ECT2: variants seen among roughly 807,000 people sequenced by gnomAD.
The protein encoded by ECT2 is protein ECT2.
In ECT2, 61 loss-of-function variants were observed where a neutral mutation model predicts 116.9. The observed-to-expected ratio is 0.52, with a 90% CI of 0.42 to 0.65. ECT2 has a LOEUF of 0.65. Ranked by LOEUF, ECT2 falls within the 30% of genes least tolerant of loss-of-function variation. The probability of loss-of-function intolerance (pLI) is 0.00; values close to 1 mark genes in which losing one functional copy is unlikely to be tolerated. For missense variants in ECT2, 937 were observed against 1,078.7 expected (o/e 0.87, Z 1.84); for synonymous variants, 358 against 346.4 (o/e 1.03, Z -0.37).
downstream of ECT2, among the ~76,000 whole-genome samples, chr3:172,825,340 ATAAT>A (rs991405742): frequency 4.6e-5 from 7 of 152,066 alleles, no homozygotes; most frequent in Non-Finnish European, 7.3e-5. Context: ...AGACTAATTA[ATAAT>A]TAATCCTACA....
intron 1 of ECT2, 148 bp from the exon 2 acceptor site, chr3:172,754,361 G>A (rs894791986): frequency 1.5e-5 from 8 of 524,014 alleles, no homozygotes; most frequent in Middle Eastern, 5.0e-4. Context: ...AAGAAACTGA[G>A]GCTCAGAGAA....
chr3:172,828,872 G>C, the ECT2 span: 4 of 1,231,740 alleles, frequency 3.2e-6, no homozygotes, highest in Admixed American at 1.9e-5. Context: ...CCTGAGAGAC[G>C]GGTTCCTGGC....
chr3:172,789,247 C>CT (rs368198016), intron 18 of ECT2, among the ~76,000 whole-genome samples: 2 of 137,740 alleles, frequency 1.5e-5, no homozygotes, highest in African/African-American at 5.4e-5. Context: ...GAGACAGGAT[C>CT]TCACTCTGGT....
chr3:172,802,903 G>C lies in ECT2; in HGVS notation c.2029G>C (p.Glu677Gln). 1 of 1,613,336 alleles carries C rather than the reference G, an allele frequency of 6.2e-7. No homozygotes were observed. Among genetic ancestry groups the C allele is most frequent in the Non-Finnish European group, 8.5e-7 (1 of 1,179,604 alleles). Residue 677 changes from glutamate to glutamine, a missense_variant, in exon 20 of 25, where the codon GAA (glutamate) becomes CAA (glutamine). By Grantham distance (29) the Glu-to-Gln change is conservative (BLOSUM62 2). Transcript: ENST00000392692. ...SSHRSLVQRV[E>Q]TISLGEHPCD... ...TCACCGAAGCTTAGTACAGCGGGTT[G>C]AAACAATTTCTCTAGGTGAGCACCC...
At chr3:172,827,660 G>T in the ECT2 span, among the ~76,000 whole-genome samples, 4 of 152,202 alleles carry the variant, frequency 2.6e-5, no homozygotes, top group Admixed American at 2.6e-4. Flanking sequence ...AGAGGGGTTG[G>T]TCAATGGGTA....
At chr3:172,772,491 C>G (rs149134243) in intron 13 of ECT2, among the ~76,000 whole-genome samples, 1 of 152,162 alleles carries the variant, frequency 6.6e-6, no homozygotes, top group Non-Finnish European at 1.5e-5. Flanking sequence ...CCACTGTGCC[C>G]GGCCGAGAAT....
rs1364453619 is a variant in ECT2, at chr3:172,759,076, A to G, written c.576+7A>G. ...TAGGAAAAAAGAAGAACTAGTAAGT[A>G]TTACGAAACAAATTCAAAGCGTATT... On this transcript the variant is annotated splice_region_variant and intron_variant, in intron 6 of 24. Transcript: ENST00000392692. 1 of 1,548,290 alleles carries G rather than the reference A, an allele frequency of 6.5e-7. No homozygotes were observed. Among genetic ancestry groups the G allele is most frequent in the South Asian group, 1.2e-5 (1 of 82,970 alleles).
chr3:172,765,455 C>G (rs1719185988), intron 12 of ECT2, among the ~76,000 whole-genome samples: 1 of 152,088 alleles, frequency 6.6e-6, no homozygotes, highest in African/African-American at 2.4e-5. Flanking sequence ...GTCAAGCTAC[C>G]TACTTTGTAC....
chr3:172,761,796 G>A, intron 8 of ECT2, 113 bp downstream of exon 8: 2 of 587,792 alleles, frequency 3.4e-6, no homozygotes, highest in Non-Finnish European at 2.9e-6. Context: ...AATTCAGTCT[G>A]AGTAGCTTGA....
intron 5 of ECT2, among the ~76,000 whole-genome samples, chr3:172,758,480 CACACAG>C (rs1450823216): frequency 6.7e-6 from 1 of 148,494 alleles, no homozygotes; most frequent in Non-Finnish European, 1.5e-5. Flanking sequence ...CACACACACA[CACACAG>C]ACACACACAC....
chr3:172,754,908 G>A (rs1018327558), intron 2 of ECT2, among the ~76,000 whole-genome samples: 9 of 151,960 alleles, frequency 5.9e-5, no homozygotes, highest in South Asian at 2.1e-4. Context: ...ATGTGAGGGC[G>A]GTCTAGCTAC....
At chr3:172,808,849 T>C (rs1018673471) in intron 22 of ECT2, among the ~76,000 whole-genome samples, 3 of 152,198 alleles carry the variant, frequency 2.0e-5, no homozygotes, top group African/African-American at 7.2e-5. Context: ...TATTCATTGA[T>C]GAAAACCTCC....
chr3:172,822,731 T>C (rs555596552), downstream of ECT2, among the ~76,000 whole-genome samples: 4 of 151,950 alleles, frequency 2.6e-5, no homozygotes, highest in African/African-American at 7.2e-5. Flanking sequence ...ACAAGCTTGA[T>C]TGGAAAAAGA....
chr3:172,793,228 C>T (rs1031619383), intron 18 of ECT2, among the ~76,000 whole-genome samples: 5 of 152,016 alleles, frequency 3.3e-5, no homozygotes, highest in African/African-American at 7.3e-5. Context: ...TGCAGTAGTG[C>T]GATCTCGGCT....
intron 14 of ECT2, among the ~76,000 whole-genome samples, chr3:172,781,091 G>A (rs978268654): frequency 2.6e-5 from 4 of 152,066 alleles, no homozygotes; most frequent in Non-Finnish European, 1.5e-5. Flanking sequence ...CTTGTGGTGA[G>A]GGTTTAAGTT....
chr3:172,780,533 T>C (rs1211011465), intron 14 of ECT2, among the ~76,000 whole-genome samples: 1 of 152,282 alleles, frequency 6.6e-6, no homozygotes, highest in Middle Eastern at 3.4e-3. Context: ...GGTTTTCCCA[T>C]TATTTTAAAG....
At chr3:172,794,370 G>A (rs1725234121) in intron 18 of ECT2, among the ~76,000 whole-genome samples, 1 of 152,146 alleles carries the variant, frequency 6.6e-6, no homozygotes, top group Admixed American at 6.5e-5. Context: ...TTTCTCCACT[G>A]AATTGCTTTT....
chr3:172,766,496 TA>T (rs1719412834), intron 12 of ECT2, among the ~76,000 whole-genome samples: 1 of 152,238 alleles, frequency 6.6e-6, no homozygotes, highest in Admixed American at 6.5e-5. Flanking sequence ...GACCATGATG[TA>T]ATCTATTACA....
rs776774300 is a variant in ECT2, at chr3:172,820,157, T to C, written c.2665T>C (p.Ser889Pro). 1 of 1,608,862 alleles carries C rather than the reference T, an allele frequency of 6.2e-7. No homozygotes were observed. ...TGTTTTGTCTTAACAGGGTATCCCT[T>C]CTCCCTCCCTTGTCAGCCTTCCTTC... ...SSTSSLAGIP[S>P]PSLVSLPSFF... The change falls in exon 25 of 25, where the codon TCT becomes CCT. Residue 889 changes from serine to proline, a missense_variant. Physicochemically the swap from Ser to Pro is moderately conservative, Grantham distance 74. Coordinates refer to ENST00000392692, the MANE Select transcript of ECT2 (RefSeq NM_001258315.2).
Sources: allele counts gnomAD v4.1 joint callset (sites outside exome capture counted in the v4.1 genomes callset), GRCh38; gene constraint gnomAD v4.1.1; transcripts MANE v1.5; gene names NCBI Gene and HGNC (gene_info 2026-07-23, HGNC 2026-07-21).